Variants in MEGF6 observed in about 807,000 individuals in gnomAD.
MEGF6 encodes multiple EGF like domains 6, also known as multiple epidermal growth factor-like domains protein 6.
Under a neutral mutation model 207.1 loss-of-function variants are expected in MEGF6, and 184 were observed. The observed-to-expected ratio is 0.89, with a 90% CI of 0.79 to 1.00. The LOEUF (loss-of-function observed/expected upper bound fraction) is 1.00. MEGF6 is among the 50% of genes least tolerant of loss of function. MEGF6 has a pLI of 0.00. For missense variants in MEGF6, 2,282 were observed against 2,202.9 expected, an observed-to-expected ratio of 1.04 and a Z score of -0.72; for synonymous variants, 1,038 against 910.0, an observed-to-expected ratio of 1.14 and a Z score of -2.53.
chr1:3,498,262 TC>T, intron 26 of MEGF6, 108 bp downstream of exon 26: 1 of 1,348,790 alleles, frequency 7.4e-7, no homozygotes, highest in African/African-American at 1.5e-5. Context: ...GGACAACAGG[TC>T]CCCTGGTGAG....
chr1:3,608,229 GC>G (rs1267558822), intron 1 of MEGF6, among the ~76,000 whole-genome samples: 5 of 152,248 alleles, frequency 3.3e-5, no homozygotes, highest in African/African-American at 1.2e-4. Context: ...CTGCCCTGGG[GC>G]CCCTCGGACT....
intron 2 of MEGF6, among the ~76,000 whole-genome samples, chr1:3,600,906 G>C (rs1456171151): frequency 6.6e-6 from 1 of 152,178 alleles, no homozygotes. Context: ...GGTGGACCTC[G>C]GCCCCTCCCC....
At chr1:3,608,366 G>A (rs1327137140) in intron 1 of MEGF6, among the ~76,000 whole-genome samples, 1 of 152,160 alleles carries the variant, frequency 6.6e-6, no homozygotes, top group African/African-American at 2.4e-5. Context: ...ATGGCCCTAA[G>A]GGGAGGCTGA....
rs758508409 is a variant in MEGF6, at chr1:3,515,514, G to T, written c.618C>A (p.Cys206Ter). The T allele has an allele frequency of 1.2e-6, 2 of 1,612,218 alleles. No individual in the cohort carries two copies. Among genetic ancestry groups the T allele is most frequent in the Non-Finnish European group, 1.7e-6 (2 of 1,179,574 alleles). ...DSRTCLAINSCALGNGGCQHH... is the reference protein window; with the variant it reads ...DSRTCLAINS ...GCTGGCAGCCGCCATTGCCCAGGGC[G>T]CAGGAGTTAATGGCTGGGGACACAG... Residue 206 changes from cysteine (C) to a stop codon, truncating the protein, a stop_gained, in exon 6 of 37, where the codon TGC becomes TGA. Transcript: ENST00000356575. LOFTEE classifies it high-confidence loss of function.
the MEGF6 span, among the ~76,000 whole-genome samples, chr1:3,623,034 C>T: frequency 2.6e-5 from 4 of 152,206 alleles, no homozygotes; most frequent in Non-Finnish European, 4.4e-5. Flanking sequence ...CAGCCTCGGC[C>T]CCAGCCAGTG....
At chr1:3,491,969 A>G (rs1640390622) in intron 35 of MEGF6, among the ~76,000 whole-genome samples, 1 of 151,822 alleles carries the variant, frequency 6.6e-6, no homozygotes, top group Non-Finnish European at 1.5e-5. Context: ...CCCCTGCCGC[A>G]CATGCATGCA....
rs564440408 is a variant in MEGF6 at position 3,515,402 on chromosome 1, G to A, written c.730C>T (p.Arg244Cys). 19 of 1,610,598 alleles carry A rather than the reference G, an allele frequency of 1.2e-5. No homozygotes were observed. Among genetic ancestry groups the A allele is most frequent in the Admixed American group, 6.7e-5 (4 of 59,832 alleles). ...QLQEDGRHCV[R>C]RSPCANRNGS... Reference sequence around the variant, plus strand: ...TCCCTCCCAGGCTGGCAGCACTCACGGACACAATGCCTGCCGTCCTCCTGG... The same window carrying A: ...TCCCTCCCAGGCTGGCAGCACTCACAGACACAATGCCTGCCGTCCTCCTGG... Residue 244 changes from arginine to cysteine, a missense_variant and splice_region_variant, in exon 6 of 37, where the codon CGT (arginine) becomes TGT (cysteine). By Grantham distance (180) the Arg-to-Cys change is radical (BLOSUM62 -3). Coordinates refer to ENST00000356575, the MANE Select transcript of MEGF6 (RefSeq NM_001409.4).
At chr1:3,621,633 T>C in the MEGF6 span, among the ~76,000 whole-genome samples, 1 of 152,200 alleles carries the variant, frequency 6.6e-6, no homozygotes. Context: ...CGGGGTGGCT[T>C]GCTGCCCACA....
intron 13 of MEGF6, among the ~76,000 whole-genome samples, chr1:3,508,288 C>A (rs72852501): frequency 6.6e-6 from 1 of 152,200 alleles, no homozygotes; most frequent in Non-Finnish European, 1.5e-5. Flanking sequence ...GTTGCTGGAC[C>A]GTGAAGACTG....
rs936132925 is a variant in MEGF6 at position 3,537,457 on chromosome 1, G to A, written c.482-13211C>T. On this transcript the variant is annotated intron_variant, in intron 4 of 36. Coordinates refer to ENST00000356575, the MANE Select transcript of MEGF6 (RefSeq NM_001409.4). Reference sequence around the variant, plus strand: ...GGCCCAGCAGGCACCCAGGTGGAGCGGCGATCACCACCGCCCACAACTACC... The same window carrying A: ...GGCCCAGCAGGCACCCAGGTGGAGCAGCGATCACCACCGCCCACAACTACC... 9.2e-5 allele frequency among the ~76,000 whole-genome samples: 14 copies of A among 152,334 alleles called. No individual in the cohort carries two copies. The East Asian group carries it at 1.9e-3, about 21-fold the overall frequency.
rs578043147 is a variant in MEGF6, at chr1:3,556,358, A to G, written c.481+23467T>C. 9.1e-4 allele frequency among the ~76,000 whole-genome samples: 138 copies of G among 152,374 alleles called. No homozygotes were observed. Among genetic ancestry groups the G allele is most frequent in the African/African-American group, 3.1e-3 (130 of 41,590 alleles). Reference sequence around the variant, plus strand: ...TCCCAGAGGTGACAACGTCACACTCATTACATGAAGTTTCATGGTAAGTGG... The same window carrying G: ...TCCCAGAGGTGACAACGTCACACTCGTTACATGAAGTTTCATGGTAAGTGG... On this transcript the variant is annotated intron_variant, in intron 4 of 36. Transcript: ENST00000356575. The surrounding 1 kb of genome is among the most constrained non-coding windows in gnomAD (Gnocchi z 4.4).
intron 4 of MEGF6, among the ~76,000 whole-genome samples, chr1:3,571,759 GGTC>G (rs1362577993): frequency 7.9e-6 from 1 of 126,150 alleles, no homozygotes; most frequent in Admixed American, 7.2e-5. Flanking sequence ...TGGTGTGCTG[GGTC>G]CCCGTGGGTG....
At chr1:3,572,592 TCTCCTGAGTATGCTGGGTC>T (rs1643535137) in intron 4 of MEGF6, among the ~76,000 whole-genome samples, 1 of 139,494 alleles carries the variant, frequency 7.2e-6, no homozygotes, top group Admixed American at 7.1e-5. Flanking sequence ...TGTGATGGGT[TCTCCTGAGTATGCTGGGTC>T]CTCCTGGGTG....
intron 4 of MEGF6, chr1:3,530,961 T>C: frequency 3.8e-6 from 5 of 1,322,698 alleles, no homozygotes; most frequent in Non-Finnish European, 4.9e-6. Context: ...TGCCCCGCCC[T>C]GCTCCCTCCA....
At chr1:3,609,331 A>G (rs1644294942) in intron 1 of MEGF6, among the ~76,000 whole-genome samples, 1 of 151,986 alleles carries the variant, frequency 6.6e-6, no homozygotes, top group African/African-American at 2.4e-5. Flanking sequence ...GGGTCCCCGC[A>G]CTCACTCAGC....
intron 5 of MEGF6, among the ~76,000 whole-genome samples, chr1:3,517,321 C>G (rs1461683097): frequency 6.6e-6 from 1 of 152,146 alleles, no homozygotes; most frequent in East Asian, 1.9e-4. Flanking sequence ...AGGCAGAGCC[C>G]TGAGACGCAC....
intron 1 of MEGF6, among the ~76,000 whole-genome samples, chr1:3,606,223 C>CT (rs1210746718): frequency 2.6e-5 from 4 of 152,232 alleles, no homozygotes; most frequent in African/African-American, 9.6e-5. Context: ...CCAGCAGCCT[C>CT]TCCTGGGAAC....
chr1:3,561,074 C>A (rs1488706223), intron 4 of MEGF6, among the ~76,000 whole-genome samples: 1 of 152,148 alleles, frequency 6.6e-6, no homozygotes, highest in African/African-American at 2.4e-5. Flanking sequence ...GCAGGAGATG[C>A]TACAAGGGTA....
upstream of MEGF6, chr1:3,611,563 G>T (rs1221687994): frequency 2.7e-5 from 7 of 256,218 alleles, no homozygotes; most frequent in Non-Finnish European, 4.8e-5. Context: ...CCCCAGCCCG[G>T]ACCCCAGTCC....
Sources: allele counts gnomAD v4.1 joint callset (sites outside exome capture counted in the v4.1 genomes callset), GRCh38; gene constraint gnomAD v4.1.1; non-coding constraint Gnocchi (gnomAD v3.1); transcripts MANE v1.5; gene names NCBI Gene and HGNC (gene_info 2026-07-23, HGNC 2026-07-21).